Variants in ESRRG observed in about 807,000 individuals in gnomAD.
ESRRG encodes estrogen-related receptor gamma.
Under a neutral mutation model 44.0 loss-of-function variants are expected in ESRRG, and 13 were observed. The ratio of observed to expected loss-of-function variants is 0.30; its 90% confidence interval spans 0.19 to 0.47. The LOEUF is 0.47. Ranked by LOEUF, ESRRG falls within the 20% of genes least tolerant of loss-of-function variation. ESRRG has a pLI of 1.00. For synonymous variants in ESRRG, 215 were observed against 214.6 expected (o/e 1.00, Z -0.02); for missense variants, 395 against 580.6 (o/e 0.68, Z 3.29).
chr1:216,912,231 G>A (rs1468956049), intron 2 of ESRRG, among the ~76,000 whole-genome samples: 5 of 80,906 alleles, frequency 6.2e-5, no homozygotes, highest in East Asian at 3.3e-4. Flanking sequence ...GAGAGGAGAG[G>A]AGAGGAGAGG....
chr1:216,542,752 C>T (rs141647799), intron 5 of ESRRG, among the ~76,000 whole-genome samples: 1 of 152,098 alleles, frequency 6.6e-6, no homozygotes, highest in East Asian at 1.9e-4. Context: ...TTTTTCTTCT[C>T]TCTACCTATT....
intron 1 of ESRRG, among the ~76,000 whole-genome samples, chr1:217,052,497 GTTAGAATGTTACTC>G (rs2086244155): frequency 6.6e-6 from 1 of 152,154 alleles, no homozygotes; most frequent in Admixed American, 6.5e-5. Flanking sequence ...TTACATTCAG[GTTAGAATGTTACTC>G]TGTCTCACTC....
intron 2 of ESRRG, among the ~76,000 whole-genome samples, chr1:216,840,056 T>G (rs1460049870): frequency 6.6e-6 from 1 of 152,206 alleles, no homozygotes; most frequent in Non-Finnish European, 1.5e-5. Flanking sequence ...GTAGCTTTGA[T>G]GCCAGGCATT....
chr1:216,985,444 G>A (rs1168364874), intron 1 of ESRRG, among the ~76,000 whole-genome samples: 1 of 152,198 alleles, frequency 6.6e-6, no homozygotes, highest in Non-Finnish European at 1.5e-5. Flanking sequence ...CAAAGGCAAA[G>A]TTGCTTCCTT....
chr1:216,526,879 G>T lies in ESRRG; in HGVS notation c.863-7458C>A, dbSNP rs2047827305. 1.3e-5 allele frequency among the ~76,000 whole-genome samples: 2 copies of T among 152,280 alleles called. 1 individual carries two copies. The highest frequency in any genetic ancestry group is 2.9e-5 in the Non-Finnish European group (2 of 68,024). ...AAAGAACTGTGAAACACTGAGGAAT[G>T]ACTCAACTTTGCTGGTTTCTGCTTT... On this transcript the variant is annotated intron_variant, in intron 5 of 6. Transcript: ENST00000408911.
chr1:216,983,031 GTTTT>G (rs9308379), intron 1 of ESRRG, among the ~76,000 whole-genome samples: 2,988 of 132,998 alleles, frequency 0.022, 59 homozygotes, highest in East Asian at 0.075. Context: ...ACTTTGAACT[GTTTT>G]TTTTTTTTTT....
chr1:216,624,214 T>C (rs1255082283), intron 3 of ESRRG, among the ~76,000 whole-genome samples: 1 of 152,158 alleles, frequency 6.6e-6, no homozygotes. Flanking sequence ...TCCTAGAACA[T>C]GAATAGAAAC....
At chr1:216,758,628 T>G (rs2152330169) in intron 2 of ESRRG, among the ~76,000 whole-genome samples, 1 of 152,166 alleles carries the variant, frequency 6.6e-6, no homozygotes, top group African/African-American at 2.4e-5. Context: ...ACAAATATTT[T>G]CCCAATACTG....
At chr1:216,979,271 T>TTACTTTAA (rs2073519521) in intron 1 of ESRRG, among the ~76,000 whole-genome samples, 1 of 152,164 alleles carries the variant, frequency 6.6e-6, no homozygotes, top group Non-Finnish European at 1.5e-5. Flanking sequence ...GATTCAGGAT[T>TTACTTTAA]GGCTTTAAGG....
At chr1:216,525,536 T>C (rs910269500) in intron 5 of ESRRG, among the ~76,000 whole-genome samples, 8 of 152,150 alleles carry the variant, frequency 5.3e-5, no homozygotes, top group Non-Finnish European at 8.8e-5. Context: ...AAGAGGGAAA[T>C]CTAATGGCTT....
At chr1:216,601,400 G>C (rs2059237580) in intron 3 of ESRRG, among the ~76,000 whole-genome samples, 1 of 152,182 alleles carries the variant, frequency 6.6e-6, no homozygotes, top group Non-Finnish European at 1.5e-5. Context: ...GCGAAGGAGG[G>C]GGGCTCCAAG....
chr1:217,084,104 G>T (rs2091932385), intron 1 of ESRRG, among the ~76,000 whole-genome samples: 1 of 148,330 alleles, frequency 6.7e-6, no homozygotes, highest in Non-Finnish European at 1.5e-5. Flanking sequence ...CCCATTAAGG[G>T]AGGAAAGAAG....
chr1:216,849,326 A>G (rs993788037), intron 2 of ESRRG, among the ~76,000 whole-genome samples: 1 of 152,142 alleles, frequency 6.6e-6, no homozygotes, highest in Non-Finnish European at 1.5e-5. Context: ...CTAGCCAGAC[A>G]ACTGACTCCA....
upstream of ESRRG, among the ~76,000 whole-genome samples, chr1:216,724,780 G>C (rs761840997): frequency 3.3e-5 from 5 of 151,966 alleles, no homozygotes; most frequent in Non-Finnish European, 5.9e-5. Context: ...GTTTGCTTAG[G>C]TCCTATTTTA....
intron 1 of ESRRG, among the ~76,000 whole-genome samples, chr1:217,110,290 C>A (rs1269506392): frequency 6.6e-6 from 1 of 152,204 alleles, no homozygotes; most frequent in Admixed American, 6.5e-5. Flanking sequence ...CTATGGCAAT[C>A]CCTTTAAATC....
intron 2 of ESRRG, among the ~76,000 whole-genome samples, chr1:216,804,649 T>G (rs2094729569): frequency 6.6e-6 from 1 of 152,116 alleles, no homozygotes; most frequent in African/African-American, 2.4e-5. Context: ...ACACTTTTTT[T>G]TTTTAAATGA....
chr1:216,506,793 C>T lies in ESRRG; in HGVS notation c.*146G>A, dbSNP rs2041309980. 1.2e-6 allele frequency: 1 copy of T among 837,830 alleles called. No individual in the cohort carries two copies. Among genetic ancestry groups the T allele is most frequent in the South Asian group, 1.8e-5 (1 of 55,396 alleles). 51.9% of individuals were successfully genotyped at this position (837,830 alleles called of 1,614,324 possible). ...AGGAACCTATGGAGGAATCTGAAAGCTGCTTCATAGTCTTGCTGCTAAATT... is the reference window on the plus strand; with the variant it reads ...AGGAACCTATGGAGGAATCTGAAAGTTGCTTCATAGTCTTGCTGCTAAATT... On this transcript the variant is annotated 3_prime_UTR_variant, in exon 7 of 7. Coordinates refer to ENST00000408911, the MANE Select transcript of ESRRG (RefSeq NM_001438.4).
intron 2 of ESRRG, among the ~76,000 whole-genome samples, chr1:216,797,854 T>C (rs2094515588): frequency 6.6e-6 from 1 of 152,158 alleles, no homozygotes; most frequent in Admixed American, 6.6e-5. Flanking sequence ...TTATTTTATA[T>C]TGTACTTTTA....
chr1:216,553,238 T>C (rs2056818606), intron 5 of ESRRG, among the ~76,000 whole-genome samples: 5 of 152,208 alleles, frequency 3.3e-5, no homozygotes, highest in Admixed American at 3.3e-4. Flanking sequence ...ACGTGCTGAC[T>C]GGTGGAGGAG....
Sources: gnomAD v4.1 joint callset for allele counts (sites outside exome capture counted in the v4.1 genomes callset) on GRCh38, gnomAD v4.1.1 for gene constraint, MANE v1.5 for transcripts, NCBI Gene and HGNC (gene_info 2026-07-23, HGNC 2026-07-21) for gene names.